Variants in ZDHHC6 observed in about 807,000 individuals in gnomAD.
The protein encoded by ZDHHC6 is zDHHC palmitoyltransferase 6.
ZDHHC6 carries 32 observed loss-of-function variants against 57.8 expected under a neutral mutation model. That is an observed-to-expected ratio of 0.55 (90% CI 0.42 to 0.74). The LOEUF is 0.74. ZDHHC6 is among the 30% of genes least tolerant of loss of function. ZDHHC6 has a pLI of 0.00. For missense variants in ZDHHC6, 433 were observed against 500.7 expected (o/e 0.86, Z 1.29); for synonymous variants, 128 against 158.0 (o/e 0.81, Z 1.42).
intron 2 of ZDHHC6, among the ~76,000 whole-genome samples, chr10:112,444,228 C>T (rs1021457341): frequency 6.6e-6 from 1 of 152,158 alleles, no homozygotes; most frequent in Admixed American, 6.5e-5. Context: ...ATGATCTTTT[C>T]CCCAGTCACA....
At chr10:112,443,694 T>C (rs1047906172) in intron 2 of ZDHHC6, 88 bp from the exon 3 acceptor site, 32 of 986,614 alleles carry the variant, frequency 3.2e-5, no homozygotes, top group Middle Eastern at 2.1e-4. Context: ...TTATGGGCGA[T>C]AGGGGAAGGA....
At chr10:112,447,551 C>T, upstream of ZDHHC6, 3 of 1,474,124 alleles carry the variant, frequency 2.0e-6, no homozygotes, top group Non-Finnish European at 2.8e-6. Context: ...GTAAGTGTGT[C>T]TATGAGGCGC....
chr10:112,426,490 G>A, downstream of ZDHHC6: 3 of 705,992 alleles, frequency 4.2e-6, no homozygotes, highest in East Asian at 2.6e-5. Context: ...TGGGACTCGG[G>A]GATAGGATGG....
At chr10:112,427,420 A>T, downstream of ZDHHC6, 1 of 1,446,010 alleles carries the variant, frequency 6.9e-7, no homozygotes, top group South Asian at 1.5e-5. Context: ...TGGATTAAAA[A>T]CTATTCTTAC....
chr10:112,439,552 C>T (rs1845874156), intron 5 of ZDHHC6, among the ~76,000 whole-genome samples: 1 of 133,092 alleles, frequency 7.5e-6, no homozygotes, highest in Non-Finnish European at 1.5e-5. Context: ...ACTGCTTAAA[C>T]CCGGAAGGCG....
Position 112,445,507 on chromosome 10 carries a change from T to G in ZDHHC6, c.-71A>C. 4.0e-6 allele frequency: 6 copies of G among 1,518,704 alleles called. No individual in the cohort carries two copies. The highest frequency in any genetic ancestry group is 5.4e-6 in the Non-Finnish European group (6 of 1,118,426). The allele number at this position is 1,518,704 out of a possible 1,614,324, so 94.1% of individuals were successfully genotyped here. ...TCCTTTTTCTGTGCGCACATTTCCA[T>G]GTGCCACAAGTCCATGTGTGTTCTT... On this transcript the variant is annotated 5_prime_UTR_variant, in exon 2 of 11. An upstream start codon of the reference 5' UTR is lost. Transcript: ENST00000369405.
At chr10:112,434,525 G>A (rs1239119676) in intron 6 of ZDHHC6, 61 bp from the exon 7 acceptor site, 3 of 1,466,226 alleles carry the variant, frequency 2.0e-6, no homozygotes, top group South Asian at 2.8e-5. Flanking sequence ...GCAGTAATAT[G>A]TTATTGAGAA....
At chr10:112,427,894 G>A (rs1171753247), downstream of ZDHHC6, 2 of 152,714 alleles carry the variant, frequency 1.3e-5, no homozygotes, top group African/African-American at 4.8e-5. Context: ...ATATCTATGA[G>A]ACAAATGTCT....
At chr10:112,447,057 G>A, upstream of ZDHHC6, 1 of 324,806 alleles carries the variant, frequency 3.1e-6, no homozygotes, top group Non-Finnish European at 6.0e-6. Flanking sequence ...GGGAAAAAAC[G>A]CTTCTAATGA....
chr10:112,425,225 G>C, exon 12 of ZDHHC6: 1 of 971,234 alleles, frequency 1.0e-6, no homozygotes, highest in African/African-American at 1.7e-5. Context: ...CAGCTCAAAA[G>C]TCTCTGGAGA....
downstream of ZDHHC6, chr10:112,426,317 G>A (rs200663698): frequency 1.9e-6 from 3 of 1,614,112 alleles, no homozygotes; most frequent in Non-Finnish European, 2.5e-6. Context: ...TTGCAGCCAA[G>A]CTTGGGGTGA....
At chr10:112,438,253 C>T (rs1845736698) in intron 6 of ZDHHC6, 83 bp downstream of exon 6, 1 of 989,556 alleles carries the variant, frequency 1.0e-6, no homozygotes, top group Non-Finnish European at 1.3e-6. Context: ...GGTCTAATAA[C>T]AGACTTTATT....
chr10:112,431,311 ATTTC>A lies in ZDHHC6; in HGVS notation c.1139-408_1139-405del, dbSNP rs567667414. On this transcript the variant is annotated intron_variant, in intron 10 of 10. Transcript: ENST00000369405. ...TTTTTAGACTTTTTCTAACATATAT[ATTTC>A]TTTCTTTTTTTTTTTTGAGATGGAG... Among the ~76,000 whole-genome samples, 123 of 150,372 alleles carry A rather than the reference ATTTC, an allele frequency of 8.2e-4. 1 individual carries two copies. The Middle Eastern group carries it at 0.014, about 17-fold the overall frequency.
At chr10:112,425,347 C>G, downstream of ZDHHC6, 1 of 1,612,028 alleles carries the variant, frequency 6.2e-7, no homozygotes, top group Non-Finnish European at 8.5e-7. Flanking sequence ...GAATGGAACT[C>G]TGAAGATCAT....
intron 2 of ZDHHC6, among the ~76,000 whole-genome samples, chr10:112,444,365 C>T (rs368506195): frequency 6.6e-6 from 1 of 152,242 alleles, no homozygotes; most frequent in African/African-American, 2.4e-5. Context: ...CTCAATTCTT[C>T]TAACTTTAAC....
downstream of ZDHHC6, among the ~76,000 whole-genome samples, chr10:112,428,914 G>A (rs1384074351): frequency 6.6e-6 from 1 of 152,206 alleles, no homozygotes; most frequent in African/African-American, 2.4e-5. Context: ...GAACAGGTTA[G>A]TGAAGAAAAG....
chr10:112,445,375 T>C lies in ZDHHC6; in HGVS notation c.62A>G (p.His21Arg). The part of the protein sequence containing the change: ...ENLQELKRLC[H>R]WGPIIALGVI... The stretch of plus-strand genomic sequence containing the variant: ...ACCAAGGGCTATGATGGGACCCCAG[T>C]GACACAGTCTCTTTAATTCTTGTAG... The change falls in exon 2 of 11, where the codon CAC becomes CGC. Residue 21 changes from histidine (H) to arginine (R), a missense_variant. His to Arg is a conservative substitution (Grantham distance 29). Coordinates refer to ENST00000369405, the MANE Select transcript of ZDHHC6 (RefSeq NM_022494.3). 3 of 1,614,210 alleles carry C rather than the reference T, an allele frequency of 1.9e-6. No individual in the cohort carries two copies. Among genetic ancestry groups the C allele is most frequent in the Non-Finnish European group, 2.5e-6 (3 of 1,180,030 alleles).
At chr10:112,442,073 C>G in intron 4 of ZDHHC6, 119 bp downstream of exon 4, 1 of 1,232,034 alleles carries the variant, frequency 8.1e-7, no homozygotes, top group East Asian at 2.6e-5. Flanking sequence ...AAACAAAGTT[C>G]TATTTCCCCA....
At chr10:112,426,598 CTG>C (rs1844728670), downstream of ZDHHC6, 1 of 626,106 alleles carries the variant, frequency 1.6e-6, no homozygotes, top group Admixed American at 3.0e-5. Context: ...TCAGAGAAAA[CTG>C]TTAACACTTA....
Sources: gnomAD v4.1 joint callset for allele counts (sites outside exome capture counted in the v4.1 genomes callset) on GRCh38, gnomAD v4.1.1 for gene constraint, MANE v1.5 for transcripts, NCBI Gene and HGNC (gene_info 2026-07-23, HGNC 2026-07-21) for gene names.